CPLX1: variants seen among roughly 807,000 people sequenced by gnomAD.
The protein encoded by CPLX1 is complexin 1.
In CPLX1, 6 loss-of-function variants were observed where a neutral mutation model predicts 15.6. The observed-to-expected ratio is 0.39, with a 90% confidence interval of 0.21 to 0.76. CPLX1 has a LOEUF of 0.76. Ranked by LOEUF, CPLX1 falls within the 30% of genes least tolerant of loss-of-function variation. The pLI is 0.43. For synonymous variants in CPLX1, 91 were observed against 75.2 expected, an observed-to-expected ratio of 1.21 and a Z score of -1.08; for missense variants, 242 against 188.6, an observed-to-expected ratio of 1.28 and a Z score of -1.66.
intron 2 of CPLX1, among the ~76,000 whole-genome samples, chr4:801,371 A>G (rs946163055): frequency 2.6e-5 from 4 of 152,090 alleles, no homozygotes; most frequent in African/African-American, 9.7e-5. Flanking sequence ...AACTCTTACA[A>G]CTCAATAACA....
At chr4:808,201 G>C (rs1481484991) in intron 2 of CPLX1, among the ~76,000 whole-genome samples, 1 of 152,014 alleles carries the variant, frequency 6.6e-6, no homozygotes, top group Non-Finnish European at 1.5e-5. Context: ...TCTGGGAGGT[G>C]GAGGTTGCAG....
intron 2 of CPLX1, among the ~76,000 whole-genome samples, chr4:801,624 C>T (rs1490809668): frequency 6.6e-6 from 1 of 152,224 alleles, no homozygotes; most frequent in Non-Finnish European, 1.5e-5. Flanking sequence ...TGCCCGGGAG[C>T]ACCAGGCTAC....
Position 816,453 on chromosome 4 carries a change from C to T in CPLX1, c.31+8039G>A, listed in dbSNP as rs547573070. 5.4e-3 allele frequency among the ~76,000 whole-genome samples: 817 copies of T among 151,966 alleles called. 3 individuals carry two copies. Among genetic ancestry groups the T allele is most frequent in the African/African-American group, 0.018 (740 of 41,442 alleles). On this transcript the variant is annotated intron_variant, in intron 2 of 3. Coordinates refer to ENST00000304062, the MANE Select transcript of CPLX1 (RefSeq NM_006651.4). ...CAGGCTGGTCTTGAACTCCTGACCT[C>T]GTGATCCACCTGCCTCAGCCTCCCA...
chr4:792,993 T>G (rs1043960453), intron 2 of CPLX1, among the ~76,000 whole-genome samples: 16 of 152,130 alleles, frequency 1.1e-4, no homozygotes, highest in African/African-American at 3.6e-4. Context: ...CTGTATGTGG[T>G]TCTGTGTTTG....
chr4:786,463 G>A lies in CPLX1; in HGVS notation c.*38C>T. The A allele has an allele frequency of 1.3e-6, 2 of 1,512,658 alleles. No individual in the cohort carries two copies. Among genetic ancestry groups the A allele is most frequent in the Non-Finnish European group, 1.8e-6 (2 of 1,125,406 alleles). 93.7% of individuals were successfully genotyped at this position (1,512,658 alleles called of 1,614,324 possible). A position where few individuals can be genotyped will look rare whatever the true frequency, so the allele number is the denominator to read the frequency against. On this transcript the variant is annotated 3_prime_UTR_variant, in exon 4 of 4. Transcript: ENST00000304062. ...CCTCCGCGGAGGATCTGTAGGGGGA[G>A]GGGCGGGGGCTCCGCGGGGCCGCTG...
intron 2 of CPLX1, among the ~76,000 whole-genome samples, chr4:800,497 C>T (rs756386028): frequency 1.4e-5 from 2 of 146,280 alleles, no homozygotes; most frequent in Non-Finnish European, 3.0e-5. Context: ...TATATACACA[C>T]ACATATACAC....
intron 2 of CPLX1, among the ~76,000 whole-genome samples, chr4:801,328 A>G (rs1746456121): frequency 6.6e-6 from 1 of 151,174 alleles, no homozygotes; most frequent in African/African-American, 2.4e-5. Flanking sequence ...TCTCAAAAGA[A>G]AAAAAAAAGT....
At chr4:804,992 C>T (rs938415246) in intron 2 of CPLX1, 1 of 961,274 alleles carries the variant, frequency 1.0e-6, no homozygotes, top group Admixed American at 6.2e-5. Context: ...GCGGGTGCTC[C>T]TCTGTGGAGA....
At chr4:810,442 C>A (rs1260216698) in intron 2 of CPLX1, among the ~76,000 whole-genome samples, 4 of 152,140 alleles carry the variant, frequency 2.6e-5, no homozygotes, top group Non-Finnish European at 5.9e-5. Context: ...TAAGAAACAG[C>A]CAAGCTGTTT....
At chr4:809,452 C>T (rs565870742) in intron 2 of CPLX1, among the ~76,000 whole-genome samples, 12 of 152,242 alleles carry the variant, frequency 7.9e-5, no homozygotes, top group South Asian at 4.2e-4. Flanking sequence ...CTCAAGGAAA[C>T]GGGCCCTGTG....
At chr4:809,674 A>G (rs1266438560) in intron 2 of CPLX1, among the ~76,000 whole-genome samples, 2 of 152,178 alleles carry the variant, frequency 1.3e-5, no homozygotes, top group Non-Finnish European at 2.9e-5. Context: ...GTTTTGACGC[A>G]TGTATATGTG....
At chr4:795,185 G>C (rs749816625) in intron 2 of CPLX1, among the ~76,000 whole-genome samples, 24 of 152,380 alleles carry the variant, frequency 1.6e-4, no homozygotes, top group Non-Finnish European at 3.1e-4. Flanking sequence ...ACTTCCAAAA[G>C]CTGGGAATTG....
At chr4:815,876 A>T (rs959981902) in intron 2 of CPLX1, among the ~76,000 whole-genome samples, 2 of 152,140 alleles carry the variant, frequency 1.3e-5, no homozygotes, top group African/African-American at 4.8e-5. Context: ...TGTAACTTGG[A>T]CTTAGGTCTC....
intron 1 of CPLX1, 36 bp from the exon 2 acceptor site, chr4:824,637 G>A: frequency 8.8e-7 from 1 of 1,133,894 alleles, no homozygotes; most frequent in East Asian, 2.3e-5. Flanking sequence ...GTCACCCTAA[G>A]CAGGCCCCTG....
intron 2 of CPLX1, among the ~76,000 whole-genome samples, chr4:811,845 C>T (rs1249135135): frequency 6.6e-6 from 1 of 152,178 alleles, no homozygotes; most frequent in Non-Finnish European, 1.5e-5. Flanking sequence ...CCTGTGACCT[C>T]CTTCTGTCTT....
chr4:787,793 A>G, intron 3 of CPLX1: 17 of 985,360 alleles, frequency 1.7e-5, no homozygotes, highest in Non-Finnish European at 2.0e-5. Flanking sequence ...CCCTCCCGTG[A>G]GCCACCAGCC....
chr4:822,305 A>G (rs1263738800), intron 2 of CPLX1, among the ~76,000 whole-genome samples: 1 of 136,888 alleles, frequency 7.3e-6, no homozygotes, highest in African/African-American at 2.8e-5. Context: ...GTCTCTCTGT[A>G]TCCCTCTGTC....
intron 2 of CPLX1, among the ~76,000 whole-genome samples, chr4:794,657 C>T (rs1281855818): frequency 6.6e-6 from 1 of 152,218 alleles, no homozygotes; most frequent in Non-Finnish European, 1.5e-5. Context: ...CAAATCTTAA[C>T]CCCCATGAGA....
rs1013174142 is a variant in CPLX1, at chr4:785,449, G to C, written c.*1052C>G. ...GATGTGGACGAAAGGGCCCGGGGGCGAGGCGGCGCCTGTCAAGATAAAACT... is the reference window on the plus strand; with the variant it reads ...GATGTGGACGAAAGGGCCCGGGGGCCAGGCGGCGCCTGTCAAGATAAAACT... On this transcript the variant is annotated 3_prime_UTR_variant, in exon 4 of 4. Coordinates refer to ENST00000304062, the MANE Select transcript of CPLX1 (RefSeq NM_006651.4). 1.3e-5 allele frequency: 2 copies of C among 152,638 alleles called. No homozygotes were observed. The highest frequency in any genetic ancestry group is 2.9e-5 in the Non-Finnish European group (2 of 68,058). 9.5% of individuals were successfully genotyped at this position (152,638 alleles called of 1,614,324 possible).
Sources: allele counts gnomAD v4.1 joint callset (sites outside exome capture counted in the v4.1 genomes callset), GRCh38; gene constraint gnomAD v4.1.1; transcripts MANE v1.5; gene names NCBI Gene and HGNC (gene_info 2026-07-23, HGNC 2026-07-21).